The following DPY19L2 variants were observed in gnomAD, a reference collection of about 807,000 sequenced individuals.
The protein encoded by DPY19L2 is dpy-19 like 2.
In DPY19L2, 34 loss-of-function variants were observed where a neutral mutation model predicts 97.9. The observed-to-expected ratio is 0.35, with a 90% CI of 0.26 to 0.46. The LOEUF is 0.46. Ranked by LOEUF, DPY19L2 falls within the 20% of genes least tolerant of loss-of-function variation. The probability of loss-of-function intolerance (pLI) is 1.00; values close to 1 mark genes in which losing one functional copy is unlikely to be tolerated. For synonymous variants in DPY19L2, 230 were observed against 307.9 expected, an observed-to-expected ratio of 0.75 and a Z score of 2.65; for missense variants, 623 against 911.4, an observed-to-expected ratio of 0.68 and a Z score of 4.07.
intron 13 of DPY19L2, among the ~76,000 whole-genome samples, chr12:63,598,156 AAAGAG>A (rs890638896): frequency 6.6e-6 from 1 of 152,002 alleles, no homozygotes; most frequent in African/African-American, 2.4e-5. Context: ...TAGAAAAAAC[AAAGAG>A]AAGATGATAA....
intron 12 of DPY19L2, among the ~76,000 whole-genome samples, chr12:63,601,303 G>A (rs1464044538): frequency 6.6e-6 from 1 of 151,380 alleles, no homozygotes; most frequent in African/African-American, 2.4e-5. Flanking sequence ...TAAGAAAGAG[G>A]AATATGAACT....
At chr12:63,600,537 T>C in intron 12 of DPY19L2, 151 bp from the exon 13 acceptor site, 1 of 586,346 alleles carries the variant, frequency 1.7e-6, no homozygotes. Flanking sequence ...AAATCTTGTT[T>C]AAAAGCAAAG....
intron 5 of DPY19L2, 96 bp from the exon 6 acceptor site, chr12:63,644,592 A>C: frequency 6.7e-7 from 1 of 1,486,574 alleles, no homozygotes; most frequent in Non-Finnish European, 9.0e-7. Context: ...AGAGCTCATG[A>C]ATTTGCTGAA....
chr12:63,636,251 C>T (rs1436855009), intron 6 of DPY19L2, among the ~76,000 whole-genome samples: 1 of 152,062 alleles, frequency 6.6e-6, no homozygotes, highest in Non-Finnish European at 1.5e-5. Flanking sequence ...ACCACCAGGC[C>T]TGCCTTACAA....
At chr12:63,636,741 T>C (rs1348450342) in intron 6 of DPY19L2, among the ~76,000 whole-genome samples, 1 of 152,162 alleles carries the variant, frequency 6.6e-6, no homozygotes, top group East Asian at 1.9e-4. Flanking sequence ...CTAACTATCC[T>C]AAATATATAT....
At chr12:63,653,794 GA>G (rs1894597396) in intron 4 of DPY19L2, among the ~76,000 whole-genome samples, 1 of 151,830 alleles carries the variant, frequency 6.6e-6, no homozygotes. Context: ...CAACAAGAGA[GA>G]AACAAACCCT....
intron 6 of DPY19L2, among the ~76,000 whole-genome samples, chr12:63,635,940 ACTC>A (rs1471385423): frequency 2.6e-5 from 4 of 152,030 alleles, no homozygotes; most frequent in Non-Finnish European, 5.9e-5. Context: ...CCACAAAGAT[ACTC>A]CTCAAGAAGA....
intron 9 of DPY19L2, among the ~76,000 whole-genome samples, chr12:63,620,565 G>T (rs1267725981): frequency 6.6e-6 from 1 of 152,110 alleles, no homozygotes. Flanking sequence ...TACAGTAAAA[G>T]AATGTGGAAT....
chr12:63,594,228 G>T (rs1883698675), intron 15 of DPY19L2, 95 bp from the exon 16 acceptor site: 5 of 980,806 alleles, frequency 5.1e-6, no homozygotes, highest in East Asian at 2.9e-5. Flanking sequence ...GCCAAGGAAA[G>T]AAGTATTTTT....
At position 63,560,520 on chromosome 12, in the gene DPY19L2, C is replaced by T. The variant is rs12314553; in HGVS notation, c.2269G>A (p.Val757Ile). Residue 757 changes from valine (V) to isoleucine (I), a missense_variant, in exon 22 of 22, where the codon GTT becomes ATT. Physicochemically the swap from Val to Ile is conservative, Grantham distance 29. Transcript: ENST00000324472. The part of the protein sequence containing the change: ...FQNSVYRVLK[V>I]N ...AATGGGTAGTATCCTTCTCAGTTAACCTTTAATACTCTGTACACACTATTC... is the reference window on the plus strand; with the variant it reads ...AATGGGTAGTATCCTTCTCAGTTAATCTTTAATACTCTGTACACACTATTC... 242,255 of 1,611,094 alleles carry T rather than the reference C, an allele frequency of 0.15. 19,159 individuals are homozygous for T. Among genetic ancestry groups the T allele is most frequent in the African/African-American group, 0.24 (17,728 of 74,812 alleles).
At chr12:63,612,021 T>C (rs1392125628) in intron 11 of DPY19L2, among the ~76,000 whole-genome samples, 4 of 152,058 alleles carry the variant, frequency 2.6e-5, no homozygotes, top group South Asian at 2.1e-4. Context: ...ATCTTATCTC[T>C]AGCTAGGAAT....
intron 6 of DPY19L2, among the ~76,000 whole-genome samples, chr12:63,633,297 T>C (rs1891046643): frequency 6.6e-6 from 1 of 151,924 alleles, no homozygotes; most frequent in Admixed American, 6.6e-5. Flanking sequence ...ATGGGAGAAA[T>C]TTTTGCAATC....
chr12:63,617,299 C>G lies in DPY19L2; in HGVS notation c.1218+5G>C, dbSNP rs780159596. ...AAAAACCAACTTTATGAACTAAACA[C>G]TTACCCACGTCATTAACAAAGATGA... is the stretch of plus-strand genomic sequence containing the variant. On this transcript the variant is annotated splice_donor_5th_base_variant and intron_variant, in intron 11 of 21. Coordinates refer to ENST00000324472, the MANE Select transcript of DPY19L2 (RefSeq NM_173812.5). 1.9e-6 allele frequency: 3 copies of G among 1,586,316 alleles called. No homozygotes were observed. In the Admixed American group the frequency reaches 5.2e-5, roughly 27 times the overall value.
chr12:63,590,977 T>C (rs1223618324), intron 16 of DPY19L2: 3 of 444,746 alleles, frequency 6.7e-6, no homozygotes, highest in African/African-American at 4.0e-5. Flanking sequence ...CTCTGCAATA[T>C]ATGAAGACAG....
chr12:63,597,933 G>A, intron 13 of DPY19L2, 23 bp from the exon 14 acceptor site: 1 of 1,530,306 alleles, frequency 6.5e-7, no homozygotes, highest in Non-Finnish European at 8.9e-7. Flanking sequence ...AAAGTAAAAT[G>A]AATTAAAATT....
At chr12:63,626,839 C>T (rs12306559) in intron 6 of DPY19L2, among the ~76,000 whole-genome samples, 7,023 of 152,010 alleles carry the variant, frequency 0.046, 565 homozygotes, top group African/African-American at 0.16. Flanking sequence ...AGTGCAGTGT[C>T]GAAATCTCAG....
chr12:63,594,666 G>A (rs1883899087), intron 15 of DPY19L2, among the ~76,000 whole-genome samples: 1 of 151,728 alleles, frequency 6.6e-6, no homozygotes, highest in African/African-American at 2.4e-5. Flanking sequence ...GTGTGTGTGT[G>A]TGTGTATGCA....
intron 4 of DPY19L2, among the ~76,000 whole-genome samples, chr12:63,658,851 C>T (rs187835161): frequency 1.3e-5 from 2 of 152,194 alleles, no homozygotes; most frequent in Admixed American, 1.3e-4. Flanking sequence ...CAAACTAAAC[C>T]ATAATGACAA....
In DPY19L2 at chr12:63,572,581, A is replaced by T. The variant is rs947511326; in HGVS notation, c.1901-1724T>A. On this transcript the variant is annotated intron_variant, in intron 19 of 21. Coordinates refer to ENST00000324472, the MANE Select transcript of DPY19L2 (RefSeq NM_173812.5). Reference sequence around the variant, plus strand: ...TGAGCCCTACACCTTGAGCAAACATAGGTGGTGGCCAGGCAGTAGTTACAA... The same window carrying T: ...TGAGCCCTACACCTTGAGCAAACATTGGTGGTGGCCAGGCAGTAGTTACAA... Among the ~76,000 whole-genome samples, 16 of 152,218 alleles carry T rather than the reference A, an allele frequency of 1.1e-4. No homozygotes were observed. The South Asian group carries it at 3.3e-3, about 32-fold the overall frequency.
Sources: gnomAD v4.1 joint callset for allele counts (sites outside exome capture counted in the v4.1 genomes callset) on GRCh38, gnomAD v4.1.1 for gene constraint, MANE v1.5 for transcripts, NCBI Gene and HGNC (gene_info 2026-07-23, HGNC 2026-07-21) for gene names.